The following MGLL variants were observed in gnomAD, a reference collection of about 807,000 sequenced individuals.
MGLL encodes monoglyceride lipase.
In MGLL, 7 loss-of-function variants were observed where a neutral mutation model predicts 29.1. That is an observed-to-expected ratio of 0.24 (90% CI 0.14 to 0.45). The LOEUF (loss-of-function observed/expected upper bound fraction) is 0.45. MGLL is among the 20% of genes least tolerant of loss of function. The pLI, the probability that MGLL is intolerant of heterozygous loss-of-function variation, is 0.99. For synonymous variants in MGLL, 148 were observed against 168.3 expected (o/e 0.88, Z 0.93); for missense variants, 356 against 413.6 (o/e 0.86, Z 1.21).
At chr3:127,790,944 G>A (rs74422782) in intron 2 of MGLL, among the ~76,000 whole-genome samples, 3,224 of 152,182 alleles carry the variant, frequency 0.021, 106 homozygotes, top group African/African-American at 0.073. Context: ...GCAACCCCAG[G>A]GGGTAGCCGG....
At chr3:127,806,752 C>A (rs374666684) in intron 2 of MGLL, among the ~76,000 whole-genome samples, 4 of 151,958 alleles carry the variant, frequency 2.6e-5, no homozygotes, top group Non-Finnish European at 5.9e-5. Context: ...TAGGGCCAGG[C>A]GCGGTGGCTC....
chr3:127,806,142 G>C (rs2077560971), intron 2 of MGLL, among the ~76,000 whole-genome samples: 1 of 152,228 alleles, frequency 6.6e-6, no homozygotes, highest in African/African-American at 2.4e-5. Context: ...GGGACTGTGA[G>C]GGTCCTCTCC....
chr3:127,725,578 T>C (rs1230637173), intron 3 of MGLL, among the ~76,000 whole-genome samples: 1 of 152,180 alleles, frequency 6.6e-6, no homozygotes, highest in Non-Finnish European at 1.5e-5. Flanking sequence ...CTTGACACCA[T>C]ATCCTGAAGA....
At chr3:127,759,350 C>T (rs756428376) in intron 3 of MGLL, among the ~76,000 whole-genome samples, 2 of 152,220 alleles carry the variant, frequency 1.3e-5, no homozygotes, top group Non-Finnish European at 2.9e-5. Context: ...CCCTGGCTAA[C>T]ATCTCCAACC....
chr3:127,751,355 G>T (rs755541538), intron 3 of MGLL, among the ~76,000 whole-genome samples: 1 of 151,688 alleles, frequency 6.6e-6, no homozygotes, highest in Admixed American at 6.6e-5. Flanking sequence ...CAAAGGTGAT[G>T]TGTGCCACGC....
At chr3:127,730,862 G>A (rs934406425) in intron 3 of MGLL, among the ~76,000 whole-genome samples, 1 of 152,200 alleles carries the variant, frequency 6.6e-6, no homozygotes, top group East Asian at 1.9e-4. Flanking sequence ...GATGATGTTT[G>A]TGTGGACTTG....
chr3:127,778,987 T>C (rs2077080316), intron 3 of MGLL, among the ~76,000 whole-genome samples: 1 of 152,156 alleles, frequency 6.6e-6, no homozygotes. Flanking sequence ...ACTCCTGGCC[T>C]CAAGCGATCC....
intron 3 of MGLL, among the ~76,000 whole-genome samples, chr3:127,774,784 A>G (rs1007012754): frequency 7.2e-5 from 11 of 152,172 alleles, no homozygotes; most frequent in South Asian, 2.1e-4. Context: ...CAGCAGACCA[A>G]CTGAATCTGA....
At position 127,738,304 on chromosome 3, in the gene MGLL, A is replaced by T. The variant is rs577351980; in HGVS notation, c.263-15738T>A. ...TGACAGAGTGAGATTCTGTCTCTTT[A>T]AAAAAAAAAAAAAAATGTGTTCTTG... On this transcript the variant is annotated intron_variant, in intron 3 of 7. Coordinates refer to ENST00000265052, the MANE Select transcript of MGLL (RefSeq NM_007283.7). 1.5e-3 allele frequency among the ~76,000 whole-genome samples: 177 copies of T among 121,142 alleles called. 1 individual carries two copies. Among genetic ancestry groups the T allele is most frequent in the Admixed American group, 4.7e-3 (61 of 13,048 alleles). 79.5% of individuals were successfully genotyped at this position (121,142 alleles called of 152,430 possible).
intron 3 of MGLL, among the ~76,000 whole-genome samples, chr3:127,726,582 C>T (rs967449434): frequency 6.6e-6 from 1 of 152,090 alleles, no homozygotes; most frequent in Non-Finnish European, 1.5e-5. Context: ...GTGCCCACCA[C>T]CATGCCCAGC....
At chr3:127,775,814 G>A (rs1456690890) in intron 3 of MGLL, among the ~76,000 whole-genome samples, 1 of 152,212 alleles carries the variant, frequency 6.6e-6, no homozygotes, top group Non-Finnish European at 1.5e-5. Context: ...GAGCAGGCCT[G>A]CGGGCAAATG....
chr3:127,698,300 C>G (rs1450136824), intron 6 of MGLL, among the ~76,000 whole-genome samples: 2 of 152,164 alleles, frequency 1.3e-5, no homozygotes, highest in African/African-American at 4.8e-5. Flanking sequence ...ACCCTCCCCT[C>G]AAGTGGCAGT....
At chr3:127,808,048 C>A (rs2077599936) in intron 2 of MGLL, among the ~76,000 whole-genome samples, 1 of 152,152 alleles carries the variant, frequency 6.6e-6, no homozygotes, top group African/African-American at 2.4e-5. Flanking sequence ...GCGTGAGCCA[C>A]CATGCCTGGA....
At chr3:127,812,958 A>C (rs1470166885) in intron 2 of MGLL, among the ~76,000 whole-genome samples, 1 of 152,134 alleles carries the variant, frequency 6.6e-6, no homozygotes, top group East Asian at 1.9e-4. Flanking sequence ...TTTCCCTGAA[A>C]CACGTCTCTT....
intron 2 of MGLL, among the ~76,000 whole-genome samples, chr3:127,811,672 G>A (rs1055959887): frequency 6.6e-6 from 1 of 152,222 alleles, no homozygotes; most frequent in African/African-American, 2.4e-5. Flanking sequence ...AAAAGCACTT[G>A]CATACTGGCA....
chr3:127,711,868 C>T (rs3773132), intron 5 of MGLL: 21,538 of 151,986 alleles, frequency 0.14, 1,851 homozygotes, highest in East Asian at 0.29. Flanking sequence ...GGATTACAGG[C>T]GCGTGCCACC....
At chr3:127,728,238 C>G (rs978477039) in intron 3 of MGLL, among the ~76,000 whole-genome samples, 1 of 152,198 alleles carries the variant, frequency 6.6e-6, no homozygotes, top group East Asian at 1.9e-4. Flanking sequence ...TAGCGTTAAT[C>G]ATTCTAATTA....
chr3:127,808,237 T>C (rs933538380), intron 2 of MGLL, among the ~76,000 whole-genome samples: 2 of 152,204 alleles, frequency 1.3e-5, no homozygotes, highest in Admixed American at 1.3e-4. Context: ...GGCTCAGTAC[T>C]GTTAGGTTTG....
chr3:127,774,033 A>G (rs532282858), intron 3 of MGLL, among the ~76,000 whole-genome samples: 4 of 152,278 alleles, frequency 2.6e-5, no homozygotes, highest in African/African-American at 9.6e-5. Context: ...ACATCACAGT[A>G]TACTGCTCCC....
Sources: allele counts gnomAD v4.1 joint callset (sites outside exome capture counted in the v4.1 genomes callset), GRCh38; gene constraint gnomAD v4.1.1; transcripts MANE v1.5; gene names NCBI Gene and HGNC (gene_info 2026-07-23, HGNC 2026-07-21).